TCF4: variants seen among roughly 807,000 people sequenced by gnomAD.
The protein encoded by TCF4 is transcription factor 4.
In TCF4, 3 loss-of-function variants were observed where a neutral mutation model predicts 82.1. The ratio of observed to expected loss-of-function variants is 0.04; its 90% CI spans 0.02 to 0.09. The LOEUF (loss-of-function observed/expected upper bound fraction) is 0.09. Ranked by LOEUF, TCF4 falls within the 10% of genes least tolerant of loss-of-function variation. TCF4 has a pLI of 1.00. For missense variants in TCF4, 518 were observed against 852.7 expected (o/e 0.61, Z 4.89); for synonymous variants, 276 against 309.6 (o/e 0.89, Z 1.14).
upstream of TCF4, chr18:55,588,614 T>C: frequency 6.7e-7 from 1 of 1,493,822 alleles, no homozygotes; most frequent in African/African-American, 1.4e-5. Context: ...TCCCTCTCAC[T>C]CACACATCCA....
intron 2 of TCF4, among the ~76,000 whole-genome samples, chr18:55,597,942 A>T (rs2097692855): frequency 6.6e-6 from 1 of 152,244 alleles, no homozygotes; most frequent in Admixed American, 6.5e-5. Context: ...GACATTGAGC[A>T]GTTTGTCTAT....
intron 8 of TCF4, chr18:55,284,553 C>T (rs906107000): frequency 6.6e-6 from 1 of 152,182 alleles, no homozygotes; most frequent in Non-Finnish European, 1.5e-5. Flanking sequence ...TATCACATCA[C>T]CATGTGTGGT....
At chr18:55,402,283 C>A (rs1028636969) in intron 6 of TCF4, 2 of 954,644 alleles carry the variant, frequency 2.1e-6, no homozygotes, top group Non-Finnish European at 2.5e-6. Context: ...AACACACCAA[C>A]CCACCAGAAG....
chr18:55,528,073 G>A (rs896844967), intron 3 of TCF4, among the ~76,000 whole-genome samples: 2 of 152,162 alleles, frequency 1.3e-5, no homozygotes, highest in South Asian at 2.1e-4. Context: ...GTGTATGACC[G>A]TATGATTCTA....
intron 15 of TCF4, among the ~76,000 whole-genome samples, chr18:55,244,625 C>T (rs187588850): frequency 2.0e-5 from 3 of 152,338 alleles, no homozygotes; most frequent in Admixed American, 6.5e-5. Flanking sequence ...CAGAGCCAGT[C>T]GGCCTCTGAA....
At chr18:55,233,966 T>C (rs1393143864) in intron 16 of TCF4, among the ~76,000 whole-genome samples, 2 of 152,132 alleles carry the variant, frequency 1.3e-5, no homozygotes, top group African/African-American at 2.4e-5. Flanking sequence ...GTTATCATTT[T>C]TATATTAAAT....
At chr18:55,439,135 C>T (rs1484005501) in intron 5 of TCF4, among the ~76,000 whole-genome samples, 3 of 152,188 alleles carry the variant, frequency 2.0e-5, no homozygotes, top group African/African-American at 4.8e-5. Context: ...TAGCCTCTTG[C>T]TCAGGGCAAA....
At chr18:55,328,524 A>G (rs1231854006) in intron 8 of TCF4, among the ~76,000 whole-genome samples, 1 of 152,222 alleles carries the variant, frequency 6.6e-6, no homozygotes, top group Admixed American at 6.5e-5. Flanking sequence ...AGATGGAGGA[A>G]GTTGACTCAG....
chr18:55,388,406 C>T (rs567557996), intron 6 of TCF4, among the ~76,000 whole-genome samples: 81 of 152,286 alleles, frequency 5.3e-4, no homozygotes, highest in Middle Eastern at 6.8e-3. Context: ...ATAGCATGGG[C>T]GGTACGCACC....
rs1429000513 is a variant in TCF4, at chr18:55,259,901, CATTCTT to C, written c.1069+42_1069+47del. On this transcript the variant is annotated intron_variant, in intron 13 of 19. Coordinates refer to ENST00000354452, the MANE Select transcript of TCF4 (RefSeq NM_001083962.2). ...AAATCAGGAAGTACAAGGGGGGAAT[CATTCTT>C]ATAAACTGTTATATGATGAAATGGG... The C allele has an allele frequency of 2.0e-6, 3 of 1,491,930 alleles. No individual in the cohort carries two copies. In the East Asian group the frequency reaches 6.8e-5, roughly 34 times the overall value. 92.4% of individuals were successfully genotyped at this position (1,491,930 alleles called of 1,614,324 possible). A position where few individuals can be genotyped will look rare whatever the true frequency, so the allele number is the denominator to read the frequency against.
intron 6 of TCF4, among the ~76,000 whole-genome samples, chr18:55,374,403 G>A (rs2090185108): frequency 6.8e-6 from 1 of 147,512 alleles, no homozygotes; most frequent in Non-Finnish European, 1.5e-5. Flanking sequence ...GGAAAAACAA[G>A]AAGAGAGAAA....
chr18:55,377,568 T>C (rs1427541202), intron 6 of TCF4, among the ~76,000 whole-genome samples: 1 of 152,258 alleles, frequency 6.6e-6, no homozygotes, highest in Admixed American at 6.5e-5. Context: ...CCACTTGGCC[T>C]ACCCCAGAAA....
chr18:55,522,547 A>T (rs1480989159), intron 3 of TCF4, among the ~76,000 whole-genome samples: 1 of 152,194 alleles, frequency 6.6e-6, no homozygotes, highest in Non-Finnish European at 1.5e-5. Flanking sequence ...AGATGGATGT[A>T]ATAGGAAATA....
intron 3 of TCF4, among the ~76,000 whole-genome samples, chr18:55,491,438 T>C (rs1359988007): frequency 1.3e-5 from 2 of 152,160 alleles, no homozygotes; most frequent in African/African-American, 4.8e-5. Flanking sequence ...AATCAAGCAA[T>C]TATATCCCTA....
intron 3 of TCF4, among the ~76,000 whole-genome samples, chr18:55,478,839 A>ATTTTTTTTTTTTTTTTTTTTTTTTT (rs1302718961): frequency 6.6e-6 from 1 of 150,730 alleles, no homozygotes; most frequent in Admixed American, 6.6e-5. Context: ...TGCAACAAAC[A>ATTTTTTTTTTTTTTTTTTTTTTTTT]GTTTTAAAAT....
intron 3 of TCF4, among the ~76,000 whole-genome samples, chr18:55,489,723 G>A (rs954621836): frequency 6.6e-6 from 1 of 152,148 alleles, no homozygotes; most frequent in African/African-American, 2.4e-5. Flanking sequence ...ATGTAATTTT[G>A]AAACAGACCT....
intron 5 of TCF4, among the ~76,000 whole-genome samples, chr18:55,417,634 T>C (rs2094568885): frequency 6.6e-6 from 1 of 152,112 alleles, no homozygotes; most frequent in South Asian, 2.1e-4. Context: ...TAATACCATG[T>C]CCCAGAGACA....
At chr18:55,617,677 C>A (rs1006205029) in intron 2 of TCF4, among the ~76,000 whole-genome samples, 3 of 151,848 alleles carry the variant, frequency 2.0e-5, no homozygotes, top group Non-Finnish European at 2.9e-5. Flanking sequence ...CTATTTTATT[C>A]TTTTTGATGC....
intron 5 of TCF4, among the ~76,000 whole-genome samples, chr18:55,427,217 C>G (rs969685855): frequency 8.5e-5 from 13 of 152,102 alleles, no homozygotes; most frequent in African/African-American, 2.2e-4. Flanking sequence ...GCTTCTTTTC[C>G]CTTTTCCATA....
Sources: allele counts gnomAD v4.1 joint callset (sites outside exome capture counted in the v4.1 genomes callset), GRCh38; gene constraint gnomAD v4.1.1; transcripts MANE v1.5; gene names NCBI Gene and HGNC (gene_info 2026-07-23, HGNC 2026-07-21).